Variants in TTLL7 observed in about 807,000 individuals in gnomAD.
The protein encoded by TTLL7 is tubulin polyglutamylase TTLL7.
A neutral mutation model predicts 120.2 loss-of-function variants in TTLL7; 53 were observed. That is an observed-to-expected ratio of 0.44 (90% CI 0.35 to 0.55). TTLL7 has a LOEUF of 0.55. TTLL7 is among the 20% of genes least tolerant of loss of function. The pLI, the probability that TTLL7 is intolerant of heterozygous loss-of-function variation, is 0.00. For synonymous variants in TTLL7, 353 were observed against 351.7 expected, an observed-to-expected ratio of 1.00 and a Z score of -0.04; for missense variants, 803 against 1,054.7, an observed-to-expected ratio of 0.76 and a Z score of 3.31.
rs1051809766 is a variant in TTLL7, at chr1:83,868,490, G to A, written c.*1472C>T. 2.6e-5 allele frequency: 4 copies of A among 152,126 alleles called. No individual in the cohort carries two copies. The highest frequency in any genetic ancestry group is 6.5e-5 in the Admixed American group (1 of 15,278). The allele number at this position is 152,126 out of a possible 1,614,324, so 9.4% of individuals were successfully genotyped here. On this transcript the variant is annotated 3_prime_UTR_variant, in exon 21 of 21. Coordinates refer to ENST00000260505, the MANE Select transcript of TTLL7 (RefSeq NM_024686.6). ...TAACAACTTTGGACAAGAACACTTC[G>A]TTCTCTGTTTTGATTTTTTAAAAAC...
intron 5 of TTLL7, 121 bp downstream of exon 5, chr1:83,948,507 A>T: frequency 3.1e-6 from 2 of 643,070 alleles, no homozygotes; most frequent in Non-Finnish European, 5.2e-6. Context: ...TAGCTCCAAA[A>T]TTCTATCACT....
At chr1:83,918,002 C>G (rs897740709) in intron 13 of TTLL7, among the ~76,000 whole-genome samples, 4 of 152,070 alleles carry the variant, frequency 2.6e-5, no homozygotes, top group Non-Finnish European at 5.9e-5. Context: ...CCATTGGACA[C>G]TAAAATTTCT....
chr1:83,986,212 ATG>A (rs1272204207), intron 1 of TTLL7, among the ~76,000 whole-genome samples: 1 of 152,176 alleles, frequency 6.6e-6, no homozygotes, highest in African/African-American at 2.4e-5. Flanking sequence ...TGTGTACCTA[ATG>A]TGTGTATATG....
chr1:83,937,094 T>C (rs1647465123), intron 8 of TTLL7, among the ~76,000 whole-genome samples: 1 of 152,196 alleles, frequency 6.6e-6, no homozygotes, highest in Non-Finnish European at 1.5e-5. Context: ...CATAGCATAT[T>C]CAACAGAGGT....
At chr1:83,990,084 G>A (rs1652839052) in intron 1 of TTLL7, among the ~76,000 whole-genome samples, 1 of 151,902 alleles carries the variant, frequency 6.6e-6, no homozygotes, top group Admixed American at 6.6e-5. Flanking sequence ...AAGTTCCAGG[G>A]GCTTTTTGGC....
At chr1:83,947,513 T>C (rs1293454617) in intron 5 of TTLL7, 1 of 414,846 alleles carries the variant, frequency 2.4e-6, no homozygotes. Context: ...TGCCCTAATA[T>C]GTACTAATTT....
chr1:83,884,305 A>G (rs1336536481), intron 19 of TTLL7, among the ~76,000 whole-genome samples: 1 of 151,980 alleles, frequency 6.6e-6, no homozygotes, highest in Non-Finnish European at 1.5e-5. Context: ...AAGCACAGGA[A>G]AAAGTATTCA....
In TTLL7 at chr1:83,866,736, T is replaced by G. The variant is rs1652942038; in HGVS notation, c.*3226A>C. On this transcript the variant is annotated 3_prime_UTR_variant, in exon 21 of 21. Transcript: ENST00000260505. ...TTTTACATATTTAAGGTAAATGCAA[T>G]GCTACTAAAATAAAAATTTGTTGCT... 1 of 151,920 alleles carries G rather than the reference T, an allele frequency of 6.6e-6. No homozygotes were observed. The highest frequency in any genetic ancestry group is 1.5e-5 in the Non-Finnish European group (1 of 67,808). 9.4% of individuals were successfully genotyped at this position (151,920 alleles called of 1,614,324 possible). A position where few individuals can be genotyped will look rare whatever the true frequency, so the allele number is the denominator to read the frequency against.
At chr1:83,921,446 T>C (rs1228644328) in intron 10 of TTLL7, 52 bp from the exon 11 acceptor site, 6 of 1,584,884 alleles carry the variant, frequency 3.8e-6, no homozygotes, top group Non-Finnish European at 4.3e-6. Context: ...AGTTCTGATC[T>C]TATCCCTGTG....
intron 19 of TTLL7, among the ~76,000 whole-genome samples, chr1:83,884,911 T>G (rs1164645590): frequency 6.6e-6 from 1 of 151,964 alleles, no homozygotes; most frequent in Non-Finnish European, 1.5e-5. Flanking sequence ...GTTTTTTAAT[T>G]GGCAAAGGAA....
chr1:83,879,625 A>G (rs1268003770), intron 20 of TTLL7, among the ~76,000 whole-genome samples: 1 of 152,018 alleles, frequency 6.6e-6, no homozygotes, highest in East Asian at 1.9e-4. Context: ...ATGTCCCCTA[A>G]TGTAACTTTT....
intron 18 of TTLL7, among the ~76,000 whole-genome samples, chr1:83,896,498 A>G (rs1221685074): frequency 6.6e-6 from 1 of 152,104 alleles, no homozygotes; most frequent in Non-Finnish European, 1.5e-5. Flanking sequence ...GGCGGTTTAG[A>G]AATAACATTA....
chr1:83,903,261 T>C (rs919372118), intron 18 of TTLL7, among the ~76,000 whole-genome samples: 1 of 151,986 alleles, frequency 6.6e-6, no homozygotes, highest in Non-Finnish European at 1.5e-5. Context: ...AATAAAATGG[T>C]GCCTTGCTCT....
At chr1:83,970,392 G>A (rs1452588846) in intron 1 of TTLL7, among the ~76,000 whole-genome samples, 1 of 152,070 alleles carries the variant, frequency 6.6e-6, no homozygotes, top group African/African-American at 2.4e-5. Context: ...ACACCCAAAT[G>A]AGAGAAAATT....
intron 13 of TTLL7, among the ~76,000 whole-genome samples, chr1:83,918,782 T>A (rs1658403044): frequency 6.6e-6 from 1 of 152,076 alleles, no homozygotes; most frequent in East Asian, 1.9e-4. Context: ...GAAACTAAAT[T>A]CCAAAGAGGA....
Position 83,868,389 on chromosome 1 carries a change from G to A in TTLL7, c.*1573C>T, listed in dbSNP as rs1286194966. 6.6e-6 allele frequency: 1 copy of A among 152,122 alleles called. No homozygotes were observed. The highest frequency in any genetic ancestry group is 2.4e-5 in the African/African-American group (1 of 41,410). The allele number at this position is 152,122 out of a possible 1,614,324, so 9.4% of individuals were successfully genotyped here. A position where few individuals can be genotyped will look rare whatever the true frequency, so the allele number is the denominator to read the frequency against. On this transcript the variant is annotated 3_prime_UTR_variant, in exon 21 of 21. Transcript: ENST00000260505. ...AAAGTAGTACGGCTTATATTTTTATGGAAAACTGAAAGCTCACTCTTGGTT... is the reference window on the plus strand; with the variant it reads ...AAAGTAGTACGGCTTATATTTTTATAGAAAACTGAAAGCTCACTCTTGGTT...
chr1:83,868,402 C>T lies in TTLL7; in HGVS notation c.*1560G>A, dbSNP rs562347099. 5.9e-5 allele frequency: 9 copies of T among 152,260 alleles called. No individual in the cohort carries two copies. The South Asian group carries it at 1.9e-3, about 32-fold the overall frequency. The allele number at this position is 152,260 out of a possible 1,614,324, so 9.4% of individuals were successfully genotyped here. A position where few individuals can be genotyped will look rare whatever the true frequency, so the allele number is the denominator to read the frequency against. The stretch of plus-strand genomic sequence containing the variant: ...TTATATTTTTATGGAAAACTGAAAG[C>T]TCACTCTTGGTTTTAAAAACTGTAT... On this transcript the variant is annotated 3_prime_UTR_variant, in exon 21 of 21. Coordinates refer to ENST00000260505, the MANE Select transcript of TTLL7 (RefSeq NM_024686.6).
intron 1 of TTLL7, among the ~76,000 whole-genome samples, chr1:83,967,032 A>T (rs1457174248): frequency 6.6e-6 from 1 of 152,078 alleles, no homozygotes; most frequent in Non-Finnish European, 1.5e-5. Context: ...ATTTTACTTA[A>T]ATTTTCCCTC....
chr1:83,923,038 T>C lies in TTLL7; in HGVS notation c.1143-1644A>G, dbSNP rs1426389576. ...GTGATGACACCAAGAGTTCTGATTT[T>C]AGTGAGTCCACTGGCATTTTCAATG... On this transcript the variant is annotated intron_variant, in intron 10 of 20. Coordinates refer to ENST00000260505, the MANE Select transcript of TTLL7 (RefSeq NM_024686.6). 4.6e-5 allele frequency among the ~76,000 whole-genome samples: 7 copies of C among 150,888 alleles called. 1 individual carries two copies. In the East Asian group the frequency reaches 1.4e-3, roughly 29 times the overall value.
Sources: allele counts gnomAD v4.1 joint callset (sites outside exome capture counted in the v4.1 genomes callset), GRCh38; gene constraint gnomAD v4.1.1; transcripts MANE v1.5; gene names NCBI Gene and HGNC (gene_info 2026-07-23, HGNC 2026-07-21).